Variants in GALNTL6 observed in about 807,000 individuals in gnomAD.
GALNTL6 encodes the protein polypeptide N-acetylgalactosaminyltransferase like 6, also known as polypeptide N-acetylgalactosaminyltransferase-like 6.
Under a neutral mutation model 73.7 loss-of-function variants are expected in GALNTL6, and 46 were observed. The ratio of observed to expected loss-of-function variants is 0.62; its 90% CI spans 0.49 to 0.80. The LOEUF (loss-of-function observed/expected upper bound fraction) is 0.80. Among genes scored for constraint, GALNTL6 ranks in the 30% least tolerant of loss-of-function variants. GALNTL6 has a pLI of 0.00. For missense variants in GALNTL6, 604 were observed against 755.0 expected (o/e 0.80, Z 2.34); for synonymous variants, 259 against 263.7 (o/e 0.98, Z 0.17).
chr4:172,350,721 C>A (rs1018850540), intron 5 of GALNTL6, among the ~76,000 whole-genome samples: 3 of 152,018 alleles, frequency 2.0e-5, no homozygotes, highest in Admixed American at 6.6e-5. Flanking sequence ...TATAATACAT[C>A]ATAATTTTTA....
At chr4:172,184,878 A>G (rs1200359366) in intron 2 of GALNTL6, among the ~76,000 whole-genome samples, 1 of 152,204 alleles carries the variant, frequency 6.6e-6, no homozygotes, top group Non-Finnish European at 1.5e-5. Context: ...TGCCCCTTTT[A>G]AAGTGAAGCG....
Position 172,340,840 on chromosome 4 carries a change from T to C in GALNTL6, c.387-7683T>C, listed in dbSNP as rs976887246. Among the ~76,000 whole-genome samples, 9 of 152,234 alleles carry C rather than the reference T, an allele frequency of 5.9e-5. 1 individual carries two copies. The highest frequency in any genetic ancestry group is 1.0e-4 in the Non-Finnish European group (7 of 68,040). On this transcript the variant is annotated intron_variant, in intron 4 of 12. Transcript: ENST00000506823. ...TTTCCTCTAATCCATTCTTGGGTTTTATTCTCCAGATAAGGGTTGTTCCTT... is the reference window on the plus strand; with the variant it reads ...TTTCCTCTAATCCATTCTTGGGTTTCATTCTCCAGATAAGGGTTGTTCCTT...
intron 7 of GALNTL6, among the ~76,000 whole-genome samples, chr4:172,826,763 C>T (rs903823236): frequency 6.6e-6 from 1 of 152,172 alleles, no homozygotes; most frequent in Non-Finnish European, 1.5e-5. Flanking sequence ...GCAGTGAGCC[C>T]CTGATGATCT....
intron 8 of GALNTL6, among the ~76,000 whole-genome samples, chr4:172,930,158 A>G (rs1278559751): frequency 6.6e-6 from 1 of 152,058 alleles, no homozygotes; most frequent in African/African-American, 2.4e-5. Context: ...GGCACCTATA[A>G]TCTCAGCCAC....
At chr4:172,670,712 T>G (rs1337956421) in intron 5 of GALNTL6, among the ~76,000 whole-genome samples, 1 of 152,224 alleles carries the variant, frequency 6.6e-6, no homozygotes, top group Non-Finnish European at 1.5e-5. Flanking sequence ...ATCTTCATTA[T>G]AAAATTTTTG....
chr4:172,988,833 A>G (rs1286708008), intron 10 of GALNTL6, among the ~76,000 whole-genome samples: 1 of 152,264 alleles, frequency 6.6e-6, no homozygotes, highest in Non-Finnish European at 1.5e-5. Context: ...GGCAGCTTCC[A>G]CATGGTGTTA....
In GALNTL6 at chr4:172,278,690, A is replaced by G. The variant is rs139136734; in HGVS notation, c.248-32924A>G. 2.4e-3 allele frequency among the ~76,000 whole-genome samples: 358 copies of G among 152,322 alleles called. 4 individuals are homozygous for G. Among genetic ancestry groups the G allele is most frequent in the African/African-American group, 8.3e-3 (344 of 41,576 alleles). ...TTTGCCTGAAAAAATGTATATTTCA[A>G]TATTCATATTGATCGATAACTATTC... On this transcript the variant is annotated intron_variant, in intron 3 of 12. Coordinates refer to ENST00000506823, the MANE Select transcript of GALNTL6 (RefSeq NM_001034845.3).
At chr4:172,277,771 C>T (rs1375288600) in intron 3 of GALNTL6, among the ~76,000 whole-genome samples, 1 of 152,038 alleles carries the variant, frequency 6.6e-6, no homozygotes, top group Non-Finnish European at 1.5e-5. Flanking sequence ...GGAATTCTAC[C>T]CTTGAATGTA....
chr4:172,884,693 C>A (rs1745630464), intron 8 of GALNTL6, among the ~76,000 whole-genome samples: 1 of 152,074 alleles, frequency 6.6e-6, no homozygotes, highest in Non-Finnish European at 1.5e-5. Context: ...ATACCTGTGC[C>A]CAGACCAATG....
At chr4:171,978,561 G>A (rs1739789832) in intron 2 of GALNTL6, among the ~76,000 whole-genome samples, 1 of 152,166 alleles carries the variant, frequency 6.6e-6, no homozygotes, top group Non-Finnish European at 1.5e-5. Context: ...AAAGAAACAA[G>A]TTTCTTGAGC....
intron 2 of GALNTL6, among the ~76,000 whole-genome samples, chr4:171,959,780 C>A (rs983605978): frequency 6.6e-6 from 1 of 152,156 alleles, no homozygotes; most frequent in Non-Finnish European, 1.5e-5. Flanking sequence ...AGTTGTTCTA[C>A]GTGATGATAC....
chr4:172,156,547 A>ATAC (rs1560945614), intron 2 of GALNTL6, among the ~76,000 whole-genome samples: 38 of 113,732 alleles, frequency 3.3e-4, no homozygotes, highest in African/African-American at 1.3e-3. Flanking sequence ...TATAATATAT[A>ATAC]TATATATATA....
intron 2 of GALNTL6, among the ~76,000 whole-genome samples, chr4:171,972,930 C>T (rs908290004): frequency 7.9e-5 from 12 of 152,106 alleles, no homozygotes; most frequent in Admixed American, 7.9e-4. Flanking sequence ...AATCGAATTT[C>T]TTCTTAAAAA....
intron 5 of GALNTL6, among the ~76,000 whole-genome samples, chr4:172,731,500 C>A (rs1736148352): frequency 6.6e-6 from 1 of 151,930 alleles, no homozygotes; most frequent in African/African-American, 2.4e-5. Flanking sequence ...TAAAAAACAA[C>A]CTTTGCTTTG....
intron 8 of GALNTL6, among the ~76,000 whole-genome samples, chr4:172,910,209 C>G (rs991331715): frequency 6.6e-6 from 1 of 151,922 alleles, no homozygotes; most frequent in African/African-American, 2.4e-5. Context: ...TTGTCGAAAG[C>G]CTATTATGTG....
intron 2 of GALNTL6, among the ~76,000 whole-genome samples, chr4:172,108,310 A>G (rs1013988923): frequency 6.6e-6 from 1 of 152,174 alleles, no homozygotes; most frequent in African/African-American, 2.4e-5. Flanking sequence ...GGTTCTCTCT[A>G]TAATAATAAC....
chr4:172,932,424 G>T (rs994963161), intron 9 of GALNTL6, among the ~76,000 whole-genome samples: 1 of 152,136 alleles, frequency 6.6e-6, no homozygotes, highest in Non-Finnish European at 1.5e-5. Flanking sequence ...GTGGGGCGGG[G>T]GGAGTTGTTC....
intron 8 of GALNTL6, among the ~76,000 whole-genome samples, chr4:172,897,954 A>C (rs2111231282): frequency 6.6e-6 from 1 of 152,324 alleles, no homozygotes; most frequent in Non-Finnish European, 1.5e-5. Flanking sequence ...GCAGGGAGGA[A>C]ACTTGGTATT....
At chr4:172,542,630 A>AT (rs928953019) in intron 5 of GALNTL6, among the ~76,000 whole-genome samples, 10 of 152,056 alleles carry the variant, frequency 6.6e-5, no homozygotes, top group Admixed American at 3.3e-4. Context: ...CTCTAACATA[A>AT]TGAGGCATTT....
Sources: gnomAD v4.1 joint callset for allele counts (sites outside exome capture counted in the v4.1 genomes callset) on GRCh38, gnomAD v4.1.1 for gene constraint, MANE v1.5 for transcripts, NCBI Gene and HGNC (gene_info 2026-07-23, HGNC 2026-07-21) for gene names.